The following SYNDIG1 variants were observed in gnomAD, a reference collection of about 807,000 sequenced individuals.
The protein encoded by SYNDIG1 is synapse differentiation-inducing gene protein 1.
In SYNDIG1, 9 loss-of-function variants were observed where a neutral mutation model predicts 19.4. The ratio of observed to expected loss-of-function variants is 0.46; its 90% CI spans 0.28 to 0.81. SYNDIG1 has a LOEUF of 0.81. SYNDIG1 is among the 30% of genes least tolerant of loss of function. The pLI is 0.12. For missense variants in SYNDIG1, 311 were observed against 343.3 expected, an observed-to-expected ratio of 0.91 and a Z score of 0.74; for synonymous variants, 141 against 145.9, an observed-to-expected ratio of 0.97 and a Z score of 0.24.
chr20:24,570,308 A>C (rs1411767923), intron 2 of SYNDIG1, among the ~76,000 whole-genome samples: 1 of 152,246 alleles, frequency 6.6e-6, no homozygotes, highest in South Asian at 2.1e-4. Flanking sequence ...AATTTTACTT[A>C]ATCAAAATTA....
chr20:24,488,986 C>G (rs1010770654), intron 1 of SYNDIG1, among the ~76,000 whole-genome samples: 1 of 152,180 alleles, frequency 6.6e-6, no homozygotes, highest in Non-Finnish European at 1.5e-5. Flanking sequence ...CATCATTTCC[C>G]CACTGTGGCT....
chr20:24,550,512 CTTT>C (rs10597680), intron 2 of SYNDIG1, among the ~76,000 whole-genome samples: 75 of 139,974 alleles, frequency 5.4e-4, no homozygotes, highest in Middle Eastern at 3.6e-3. Flanking sequence ...ACGTTAACTG[CTTT>C]TTTTTTTTTT....
At chr20:24,664,118 C>T (rs528457440) in intron 3 of SYNDIG1, among the ~76,000 whole-genome samples, 5 of 151,854 alleles carry the variant, frequency 3.3e-5, no homozygotes, top group East Asian at 1.9e-4. Context: ...TTTTAAGATC[C>T]GAAAGTTAGA....
intron 1 of SYNDIG1, among the ~76,000 whole-genome samples, chr20:24,497,191 T>A (rs2056324773): frequency 6.6e-6 from 1 of 152,130 alleles, no homozygotes; most frequent in Non-Finnish European, 1.5e-5. Context: ...TTTGTTTATG[T>A]GTTTTTTGTT....
At chr20:24,517,316 T>TA (rs2056894398) in intron 1 of SYNDIG1, among the ~76,000 whole-genome samples, 18 of 148,712 alleles carry the variant, frequency 1.2e-4, no homozygotes, top group Admixed American at 8.1e-4. Context: ...AAAAAATAAA[T>TA]AAATAAATAT....
At chr20:24,654,347 A>G (rs2059501808) in intron 3 of SYNDIG1, among the ~76,000 whole-genome samples, 1 of 152,210 alleles carries the variant, frequency 6.6e-6, no homozygotes, top group African/African-American at 2.4e-5. Flanking sequence ...GTGTCTTTCA[A>G]AAAATCTATA....
chr20:24,497,485 G>A (rs1220365317), intron 1 of SYNDIG1, among the ~76,000 whole-genome samples: 5 of 152,212 alleles, frequency 3.3e-5, no homozygotes, highest in African/African-American at 1.2e-4. Flanking sequence ...ACAGGTGTGA[G>A]CCACTGTGCC....
intron 3 of SYNDIG1, among the ~76,000 whole-genome samples, chr20:24,659,378 G>A (rs773025476): frequency 3.3e-5 from 5 of 152,180 alleles, no homozygotes; most frequent in African/African-American, 1.2e-4. Context: ...AAAGTCTGCC[G>A]TCCTCATCAT....
chr20:24,489,344 A>G (rs1408437627), intron 1 of SYNDIG1, among the ~76,000 whole-genome samples: 1 of 151,522 alleles, frequency 6.6e-6, no homozygotes, highest in Non-Finnish European at 1.5e-5. Context: ...ATTCATGCAC[A>G]CACACACAAG....
chr20:24,594,300 C>T (rs2058560504), intron 3 of SYNDIG1, among the ~76,000 whole-genome samples: 1 of 152,182 alleles, frequency 6.6e-6, no homozygotes, highest in Non-Finnish European at 1.5e-5. Flanking sequence ...GGAGTTCTTC[C>T]TCCATTGCTT....
chr20:24,555,874 C>G (rs1295019076), intron 2 of SYNDIG1, among the ~76,000 whole-genome samples: 1 of 152,244 alleles, frequency 6.6e-6, no homozygotes, highest in African/African-American at 2.4e-5. Context: ...AAATTTCTGT[C>G]TCGTTGATCT....
At position 24,469,648 on chromosome 20, in the gene SYNDIG1, C is replaced by T. The variant is rs562297278; in HGVS notation, c.-184C>T. 4.0e-3 allele frequency: 602 copies of T among 151,996 alleles called. 2 individuals carry two copies. Among genetic ancestry groups the T allele is most frequent in the Non-Finnish European group, 6.2e-3 (421 of 68,182 alleles). The allele number at this position is 151,996 out of a possible 1,614,324, so 9.4% of individuals were successfully genotyped here. The stretch of plus-strand genomic sequence containing the variant: ...GAGGGCAGAGGAGGAGAGAGCCTGG[C>T]AGCGGAGGAGCAGAGGCGGGCGCCG... On this transcript the variant is annotated 5_prime_UTR_variant, in exon 1 of 4. Transcript: ENST00000376862.
At chr20:24,476,913 G>A (rs2055644281) in intron 1 of SYNDIG1, among the ~76,000 whole-genome samples, 2 of 152,082 alleles carry the variant, frequency 1.3e-5, no homozygotes, top group Non-Finnish European at 2.9e-5. Flanking sequence ...GCTCCTGTGG[G>A]TCCTCTTGTG....
At chr20:24,663,087 A>G (rs1222505269) in intron 3 of SYNDIG1, among the ~76,000 whole-genome samples, 2 of 152,208 alleles carry the variant, frequency 1.3e-5, no homozygotes, top group Non-Finnish European at 2.9e-5. Flanking sequence ...CCTTCATTAG[A>G]CCACGTTGTG....
intron 3 of SYNDIG1, among the ~76,000 whole-genome samples, chr20:24,659,390 G>A (rs369628066): frequency 9.2e-5 from 14 of 152,266 alleles, no homozygotes; most frequent in East Asian, 7.7e-4. Context: ...CCTCATCATC[G>A]TGTGGTCATG....
At chr20:24,646,784 G>A (rs2059426700) in intron 3 of SYNDIG1, among the ~76,000 whole-genome samples, 1 of 152,058 alleles carries the variant, frequency 6.6e-6, no homozygotes, top group Non-Finnish European at 1.5e-5. Context: ...AACACTCCCA[G>A]CTAATTTTTG....
intron 1 of SYNDIG1, among the ~76,000 whole-genome samples, chr20:24,510,424 T>C (rs1325654943): frequency 6.7e-6 from 1 of 149,914 alleles, no homozygotes; most frequent in Non-Finnish European, 1.5e-5. Flanking sequence ...AAAAAAAAAG[T>C]TAGGCATGGT....
intron 2 of SYNDIG1, among the ~76,000 whole-genome samples, chr20:24,553,434 A>G (rs1424713138): frequency 1.3e-5 from 2 of 152,188 alleles, no homozygotes; most frequent in Admixed American, 1.3e-4. Context: ...TAGGGTTTTT[A>G]TGGTTTTAGG....
chr20:24,586,875 A>G (rs1452808787), intron 3 of SYNDIG1, among the ~76,000 whole-genome samples: 1 of 152,206 alleles, frequency 6.6e-6, no homozygotes, highest in Non-Finnish European at 1.5e-5. Flanking sequence ...GTTCAGATTG[A>G]AGCCCCAGTC....
Sources: allele counts gnomAD v4.1 joint callset (sites outside exome capture counted in the v4.1 genomes callset), GRCh38; gene constraint gnomAD v4.1.1; transcripts MANE v1.5; gene names NCBI Gene and HGNC (gene_info 2026-07-23, HGNC 2026-07-21).